Variants in MACROD2 observed in about 807,000 individuals in gnomAD.
MACROD2 encodes mono-ADP ribosylhydrolase 2, also known as ADP-ribose glycohydrolase MACROD2.
MACROD2 carries 36 observed loss-of-function variants against 70.4 expected under a neutral mutation model. That is an observed-to-expected ratio of 0.51 (90% confidence interval 0.39 to 0.68). MACROD2 has a LOEUF of 0.68. Among genes scored for constraint, MACROD2 ranks in the 30% least tolerant of loss-of-function variants. The pLI is 0.00. For synonymous variants in MACROD2, 172 were observed against 178.8 expected, an observed-to-expected ratio of 0.96 and a Z score of 0.30; for missense variants, 496 against 538.4, an observed-to-expected ratio of 0.92 and a Z score of 0.78.
At chr20:14,134,401 T>G (rs1055198818) in intron 3 of MACROD2, among the ~76,000 whole-genome samples, 1 of 152,240 alleles carries the variant, frequency 6.6e-6, no homozygotes, top group Non-Finnish European at 1.5e-5. Context: ...TCTTATTATT[T>G]CACTGAGAGA....
At chr20:14,876,881 A>G (rs1441630052) in intron 5 of MACROD2, among the ~76,000 whole-genome samples, 1 of 152,026 alleles carries the variant, frequency 6.6e-6, no homozygotes, top group Non-Finnish European at 1.5e-5. Flanking sequence ...CAATATACTT[A>G]AAAGTCAGGT....
chr20:15,653,267 T>C (rs1186663212), intron 8 of MACROD2, among the ~76,000 whole-genome samples: 9 of 152,246 alleles, frequency 5.9e-5, no homozygotes, highest in Admixed American at 5.2e-4. Context: ...AAATAATTTT[T>C]GGTCACTTAT....
At chr20:15,660,443 G>A (rs751551053) in intron 8 of MACROD2, among the ~76,000 whole-genome samples, 7 of 151,954 alleles carry the variant, frequency 4.6e-5, no homozygotes, top group Non-Finnish European at 8.8e-5. Context: ...GGAAAGCCAC[G>A]TAGTTTTTCA....
intron 5 of MACROD2, among the ~76,000 whole-genome samples, chr20:14,842,892 A>G (rs978443097): frequency 6.6e-6 from 1 of 152,206 alleles, no homozygotes; most frequent in East Asian, 1.9e-4. Flanking sequence ...ACATGTCTGA[A>G]GTCAAACTTG....
At chr20:15,311,568 C>T (rs561102883) in intron 6 of MACROD2, among the ~76,000 whole-genome samples, 30 of 152,244 alleles carry the variant, frequency 2.0e-4, no homozygotes, top group East Asian at 1.3e-3. Context: ...ATAAAGAAAA[C>T]GTGGTACGTA....
chr20:15,855,321 G>A (rs2064344715), intron 8 of MACROD2, among the ~76,000 whole-genome samples: 1 of 152,138 alleles, frequency 6.6e-6, no homozygotes, highest in Non-Finnish European at 1.5e-5. Flanking sequence ...CCCAACTGTG[G>A]ATTAATAGAT....
chr20:15,484,305 A>T (rs1451834125), intron 7 of MACROD2, among the ~76,000 whole-genome samples: 1 of 152,152 alleles, frequency 6.6e-6, no homozygotes, highest in Non-Finnish European at 1.5e-5. Flanking sequence ...GCCTTTAGTC[A>T]TGTGGTGGTT....
chr20:14,268,305 A>G (rs1248123122), intron 3 of MACROD2, among the ~76,000 whole-genome samples: 2 of 152,100 alleles, frequency 1.3e-5, no homozygotes, highest in Non-Finnish European at 2.9e-5. Context: ...AAATTTTATC[A>G]GTTGTGTCAA....
intron 2 of MACROD2, among the ~76,000 whole-genome samples, chr20:14,052,222 G>A (rs566064300): frequency 2.6e-5 from 4 of 152,036 alleles, no homozygotes; most frequent in African/African-American, 7.2e-5. Flanking sequence ...TTCTGTTCCC[G>A]TACAACTTTT....
In MACROD2 at chr20:14,684,940, C is replaced by G; in HGVS notation, c.399C>G (p.Gly133=). The G allele has an allele frequency of 6.2e-7, 1 of 1,613,768 alleles. No individual in the cohort carries two copies. Among genetic ancestry groups the G allele is most frequent in the South Asian group, 1.1e-5 (1 of 91,066 alleles). The change falls in exon 5 of 18, where the codon GGC becomes GGG. Residue 133 remains glycine, a synonymous_variant. Coordinates refer to ENST00000684519, the MANE Select transcript of MACROD2 (RefSeq NM_001351661.2). ...CDTGHAKITC[G]YDLPAKYVIH... ...CTGGACATGCAAAAATCACATGTGG[C>G]TATGACCTTCCTGCAAAATGTGAGT... is the stretch of plus-strand genomic sequence containing the variant.
chr20:14,391,890 A>G (rs1460112119), intron 3 of MACROD2, among the ~76,000 whole-genome samples: 6 of 149,946 alleles, frequency 4.0e-5, no homozygotes, highest in African/African-American at 1.5e-4. Flanking sequence ...TAACTGGATG[A>G]TGGGACATTT....
chr20:14,542,541 G>T (rs1379562608), intron 4 of MACROD2, among the ~76,000 whole-genome samples: 6 of 152,120 alleles, frequency 3.9e-5, no homozygotes, highest in Non-Finnish European at 7.4e-5. Context: ...TAACATTTGT[G>T]CATTTCATTG....
At chr20:14,404,511 C>A (rs2083672280) in intron 3 of MACROD2, among the ~76,000 whole-genome samples, 1 of 151,942 alleles carries the variant, frequency 6.6e-6, no homozygotes, top group Non-Finnish European at 1.5e-5. Context: ...TGCCTGTAGT[C>A]CCAGCTACCC....
intron 12 of MACROD2, 64 bp from the exon 13 acceptor site, chr20:15,967,489 G>A: frequency 1.6e-6 from 2 of 1,282,726 alleles, no homozygotes; most frequent in Admixed American, 1.9e-5. Context: ...TCATGTTAGT[G>A]CTGAAAGCTG....
At chr20:15,801,945 C>T (rs2215457) in intron 8 of MACROD2, among the ~76,000 whole-genome samples, 21,592 of 151,900 alleles carry the variant, frequency 0.14, 3,479 homozygotes, top group East Asian at 0.42. Flanking sequence ...CTACATATTT[C>T]CTTTTATTTT....
chr20:15,272,336 T>C (rs1317268236), intron 6 of MACROD2, among the ~76,000 whole-genome samples: 2 of 152,184 alleles, frequency 1.3e-5, no homozygotes, highest in African/African-American at 4.8e-5. Context: ...CTCATGTTCC[T>C]CCTGGTGTAT....
At chr20:14,602,610 T>A (rs1285293593) in intron 4 of MACROD2, among the ~76,000 whole-genome samples, 1 of 152,208 alleles carries the variant, frequency 6.6e-6, no homozygotes, top group Non-Finnish European at 1.5e-5. Flanking sequence ...ATAGGCTAAT[T>A]CGTGTTTGTA....
At chr20:15,020,440 C>T (rs1225662463) in intron 5 of MACROD2, among the ~76,000 whole-genome samples, 7 of 152,186 alleles carry the variant, frequency 4.6e-5, no homozygotes, top group Non-Finnish European at 8.8e-5. Context: ...TTCCTGAAGC[C>T]TGTGTCTTAA....
chr20:15,777,482 T>A (rs775553664), intron 8 of MACROD2, among the ~76,000 whole-genome samples: 4 of 150,844 alleles, frequency 2.7e-5, no homozygotes, highest in African/African-American at 4.9e-5. Context: ...CAGAGCCAAG[T>A]TGATTCTTTT....
Sources: allele counts gnomAD v4.1 joint callset (sites outside exome capture counted in the v4.1 genomes callset), GRCh38; gene constraint gnomAD v4.1.1; transcripts MANE v1.5; gene names NCBI Gene and HGNC (gene_info 2026-07-23, HGNC 2026-07-21).